Variants in AGTRAP observed in about 807,000 individuals in gnomAD.
The protein encoded by AGTRAP is type-1 angiotensin II receptor-associated protein.
A neutral mutation model predicts 15.2 loss-of-function variants in AGTRAP; 7 were observed. The observed-to-expected ratio is 0.46, with a 90% confidence interval of 0.26 to 0.87. AGTRAP has a LOEUF of 0.87. Ranked by LOEUF, AGTRAP falls within the 40% of genes least tolerant of loss-of-function variation. The probability of loss-of-function intolerance (pLI) is 0.15; values close to 1 mark genes in which losing one functional copy is unlikely to be tolerated. For synonymous variants in AGTRAP, 74 were observed against 89.6 expected (o/e 0.83, Z 0.98); for missense variants, 187 against 213.4 (o/e 0.88, Z 0.77).
In AGTRAP at chr1:11,748,608, C is replaced by G. The variant is rs909634555; in HGVS notation, c.362C>G (p.Thr121Ser). ...RERGGELLVH[T>S]GFLGSSQDRS... is the part of the protein sequence containing the mutation. ...CGCGGGGGTGAGCTCCTGGTCCACA[C>G]TGGTGAGGCCACCACCTCCAGCCAG... is the stretch of plus-strand genomic sequence containing the variant. The change falls in exon 4 of 5, where the codon ACT (threonine) becomes AGT (serine). Residue 121 changes from threonine (T) to serine (S), a missense_variant and splice_region_variant. Physicochemically the swap from Thr to Ser is moderately conservative, Grantham distance 58 (BLOSUM62 1). Transcript: ENST00000314340. 2 of 1,604,284 alleles carry G rather than the reference C, an allele frequency of 1.2e-6. No individual in the cohort carries two copies. The highest frequency in any genetic ancestry group is 2.7e-5 in the African/African-American group (2 of 74,910).
intron 4 of AGTRAP, 52 bp from the exon 5 acceptor site, chr1:11,750,025 C>A: frequency 6.8e-7 from 1 of 1,466,032 alleles, no homozygotes; most frequent in Non-Finnish European, 9.5e-7. Context: ...AGCTGAACAT[C>A]CCGAGTTCTC....
chr1:11,750,100 C>A lies in AGTRAP; in HGVS notation c.388C>A (p.Arg130Ser), dbSNP rs142297789. 7.4e-6 allele frequency: 12 copies of A among 1,613,980 alleles called. No homozygotes were observed. The East Asian group carries it at 2.7e-4, about 36-fold the overall frequency. The change falls in exon 5 of 5, where the codon CGT (arginine) becomes AGT (serine). Residue 130 changes from arginine to serine, a missense_variant. Arg to Ser is a moderately radical substitution (Grantham distance 110). Transcript: ENST00000314340. Reference sequence around the variant, plus strand: ...AGGTTTCCTTGGGTCTTCTCAGGACCGTAGTGCCTACCAGACGATTGACTC... The same window carrying A: ...AGGTTTCCTTGGGTCTTCTCAGGACAGTAGTGCCTACCAGACGATTGACTC... ...HTGFLGSSQD[R>S]SAYQTIDSAE...
intron 4 of AGTRAP, among the ~76,000 whole-genome samples, chr1:11,749,484 C>T (rs909274642): frequency 6.6e-6 from 1 of 152,242 alleles, no homozygotes; most frequent in African/African-American, 2.4e-5. Context: ...CTGAGGCCCA[C>T]ATCCTTTGGG....
At chr1:11,741,178 C>G (rs1180410231) in intron 1 of AGTRAP, among the ~76,000 whole-genome samples, 1 of 151,950 alleles carries the variant, frequency 6.6e-6, no homozygotes, top group African/African-American at 2.4e-5. Flanking sequence ...GAGTGCCGCC[C>G]CTCCTGCTCA....
intron 1 of AGTRAP, among the ~76,000 whole-genome samples, chr1:11,738,570 G>A (rs1233598474): frequency 6.6e-6 from 1 of 152,076 alleles, no homozygotes; most frequent in Non-Finnish European, 1.5e-5. Flanking sequence ...TGTGTGGAGC[G>A]CTTCCCACAC....
chr1:11,736,661 G>A (rs938714113), intron 1 of AGTRAP, among the ~76,000 whole-genome samples: 4 of 152,262 alleles, frequency 2.6e-5, no homozygotes, highest in Admixed American at 1.3e-4. Context: ...CGTTTCAGGA[G>A]CCTCCTTGTT....
chr1:11,749,438 T>A (rs964592594), intron 4 of AGTRAP, among the ~76,000 whole-genome samples: 1 of 151,922 alleles, frequency 6.6e-6, no homozygotes, highest in Admixed American at 6.5e-5. Context: ...AGGTGAGGGG[T>A]GCCAGAATGT....
chr1:11,749,982 G>C, intron 4 of AGTRAP, 95 bp from the exon 5 acceptor site: 2 of 932,416 alleles, frequency 2.1e-6, no homozygotes, highest in South Asian at 1.5e-5. Flanking sequence ...TGCCCAGCCC[G>C]AGGGTGGCGG....
rs1128059 is a variant in AGTRAP at position 11,750,617 on chromosome 1, G to A, written c.*425G>A. 107,459 of 399,914 alleles carry A rather than the reference G, an allele frequency of 0.27. 15,732 individuals are homozygous for A. Among genetic ancestry groups the A allele is most frequent in the East Asian group, 0.35 (7,488 of 21,496 alleles). 24.8% of individuals were successfully genotyped at this position (399,914 alleles called of 1,614,324 possible). A position where few individuals can be genotyped will look rare whatever the true frequency, so the allele number is the denominator to read the frequency against. ...CCTGCTCAGCCCGAGGAGCAGTCTG[G>A]CATGGGAGTGAGGCCCCGTCCTTCT... On this transcript the variant is annotated 3_prime_UTR_variant, in exon 5 of 5. Coordinates refer to ENST00000314340, the MANE Select transcript of AGTRAP (RefSeq NM_020350.5).
At chr1:11,742,638 C>A (rs919422399) in intron 1 of AGTRAP, among the ~76,000 whole-genome samples, 4 of 152,146 alleles carry the variant, frequency 2.6e-5, no homozygotes, top group African/African-American at 9.7e-5. Context: ...TCAAGTGATT[C>A]TCCCACCTCA....
intron 3 of AGTRAP, 114 bp downstream of exon 3, chr1:11,747,659 C>A: frequency 1.8e-6 from 2 of 1,111,464 alleles, no homozygotes; most frequent in Non-Finnish European, 2.6e-6. Flanking sequence ...CTTGGGCCAC[C>A]ACTTCCCATT....
At chr1:11,747,844 G>A in intron 3 of AGTRAP, among the ~76,000 whole-genome samples, 1 of 152,234 alleles carries the variant, frequency 6.6e-6, no homozygotes, top group East Asian at 1.9e-4. Context: ...CAAGAGCAGT[G>A]GAACATCCCC....
Position 11,750,349 on chromosome 1 carries a change from G to A in AGTRAP, c.*157G>A, listed in dbSNP as rs780346652. On this transcript the variant is annotated 3_prime_UTR_variant, in exon 5 of 5. Coordinates refer to ENST00000314340, the MANE Select transcript of AGTRAP (RefSeq NM_020350.5). ...AAGAGGCCAGGAGCCCCCATGGGCCGCCCAGTACCATGCACACTCCTGTCC... is the reference window on the plus strand; with the variant it reads ...AAGAGGCCAGGAGCCCCCATGGGCCACCCAGTACCATGCACACTCCTGTCC... 16 of 726,482 alleles carry A rather than the reference G, an allele frequency of 2.2e-5. No individual in the cohort carries two copies. The highest frequency in any genetic ancestry group is 3.6e-4 in the Middle Eastern group (1 of 2,794). The allele number at this position is 726,482 out of a possible 1,614,324, so 45.0% of individuals were successfully genotyped here.
intron 1 of AGTRAP, among the ~76,000 whole-genome samples, chr1:11,738,317 A>G (rs575751104): frequency 5.2e-4 from 79 of 152,298 alleles, no homozygotes; most frequent in African/African-American, 1.8e-3. Context: ...CAACTGCCCC[A>G]GGCCCTTTGC....
At chr1:11,739,171 T>A (rs6540992) in intron 1 of AGTRAP, among the ~76,000 whole-genome samples, 84,581 of 151,954 alleles carry the variant, frequency 0.56, 26,240 homozygotes, top group East Asian at 0.9. Context: ...TATCTATTTC[T>A]TCATTGTAAA....
chr1:11,746,080 C>A, intron 2 of AGTRAP: 1 of 1,578,854 alleles, frequency 6.3e-7, no homozygotes, highest in Non-Finnish European at 8.7e-7. Context: ...GAGGCCTCAG[C>A]ACTGCAGCTT....
In AGTRAP at chr1:11,750,552, A is replaced by G. The variant is rs1375092455; in HGVS notation, c.*360A>G. On this transcript the variant is annotated 3_prime_UTR_variant, in exon 5 of 5. Transcript: ENST00000314340. ...CTGATGCCCCCTCAGGCCTCCCCCA[A>G]GTTTGCTGGGCTTTGGTGGAAGCCC... 1 of 508,240 alleles carries G rather than the reference A, an allele frequency of 2.0e-6. No homozygotes were observed. The highest frequency in any genetic ancestry group is 3.5e-6 in the Non-Finnish European group (1 of 283,702). The allele number at this position is 508,240 out of a possible 1,614,324, so 31.5% of individuals were successfully genotyped here. A position where few individuals can be genotyped will look rare whatever the true frequency, so the allele number is the denominator to read the frequency against.
chr1:11,746,533 A>G, intron 2 of AGTRAP: 1 of 283,676 alleles, frequency 3.5e-6, no homozygotes, highest in Admixed American at 4.7e-5. Flanking sequence ...AATGAGGTAG[A>G]CTCAGTCCCT....
rs1439121444 is a variant in AGTRAP, at chr1:11,745,812, CT to C, written c.38del (p.Leu13GlnfsTer6). On this transcript the variant is annotated frameshift_variant, in exon 2 of 5. Transcript: ENST00000314340. LOFTEE classifies it high-confidence loss of function. This position sits in a 1 kb window ranked among gnomAD's most constrained non-coding sequence, Gnocchi z 4.2. ...LPAVNLKVILLGHWLLTTWGC... is the reference protein window; with the variant it reads ...LPAVNLKVILXGHWLLTTWGC... The stretch of plus-strand genomic sequence containing the variant: ...CCTTGTTGTGCCACAGGTGATTCTC[CT>C]AGGTCACTGGCTGCTGACAACCTGG... The C allele has an allele frequency of 6.2e-7, 1 of 1,614,070 alleles. No individual in the cohort carries two copies. Among genetic ancestry groups the C allele is most frequent in the African/African-American group, 1.3e-5 (1 of 74,924 alleles).
Sources: gnomAD v4.1 joint callset for allele counts (sites outside exome capture counted in the v4.1 genomes callset) on GRCh38, gnomAD v4.1.1 for gene constraint, Gnocchi (gnomAD v3.1) non-coding constraint, MANE v1.5 for transcripts, NCBI Gene and HGNC (gene_info 2026-07-23, HGNC 2026-07-21) for gene names.